NELL1: variants seen among roughly 807,000 people sequenced by gnomAD.
NELL1 encodes the protein neural EGFL like 1.
A neutral mutation model predicts 107.4 loss-of-function variants in NELL1; 76 were observed. The observed-to-expected ratio is 0.71, with a 90% confidence interval of 0.59 to 0.86. NELL1 has a LOEUF of 0.86. Among genes scored for constraint, NELL1 ranks in the 40% least tolerant of loss-of-function variants. NELL1 has a pLI of 0.00. For missense variants in NELL1, 1,024 were observed against 1,005.5 expected, an observed-to-expected ratio of 1.02 and a Z score of -0.25; for synonymous variants, 353 against 341.2, an observed-to-expected ratio of 1.03 and a Z score of -0.38.
At chr11:21,491,107 C>A (rs1255976874) in intron 15 of NELL1, among the ~76,000 whole-genome samples, 1 of 152,034 alleles carries the variant, frequency 6.6e-6, no homozygotes, top group Non-Finnish European at 1.5e-5. Context: ...AATAATATAA[C>A]AAATAGTCCC....
At chr11:21,248,493 T>C (rs1366258021) in intron 14 of NELL1, among the ~76,000 whole-genome samples, 1 of 152,168 alleles carries the variant, frequency 6.6e-6, no homozygotes, top group African/African-American at 2.4e-5. Context: ...CAGAGGTTTG[T>C]GGCCACTGTT....
At chr11:21,449,780 A>G (rs1170843493) in intron 15 of NELL1, among the ~76,000 whole-genome samples, 1 of 152,208 alleles carries the variant, frequency 6.6e-6, no homozygotes. Context: ...TGTGGCTACC[A>G]CTTGTTCTAC....
chr11:21,163,906 G>A (rs980332951), intron 13 of NELL1, among the ~76,000 whole-genome samples: 1 of 151,834 alleles, frequency 6.6e-6, no homozygotes, highest in South Asian at 2.1e-4. Flanking sequence ...ATTTTGAGGG[G>A]GGTGGGTAAA....
At chr11:21,569,729 T>A (rs1564966090) in intron 17 of NELL1, among the ~76,000 whole-genome samples, 2 of 151,856 alleles carry the variant, frequency 1.3e-5, no homozygotes, top group Non-Finnish European at 2.9e-5. Context: ...TCTGATTTTT[T>A]ACATTATAAC....
chr11:20,786,034 A>ATTTTT lies in NELL1; in HGVS notation c.335+2204_335+2205insTTTTT, dbSNP rs758634001. Reference sequence around the variant, plus strand: ...TTTCATTGTAATAGAAAAACTTCAGAATTTTTTTTTTTTTTTTTTGAGAAA... The same window carrying ATTTTT: ...TTTCATTGTAATAGAAAAACTTCAGATTTTTATTTTTTTTTTTTTTTTTTGAGAAA... On this transcript the variant is annotated intron_variant, in intron 3 of 19. Coordinates refer to ENST00000357134, the MANE Select transcript of NELL1 (RefSeq NM_006157.5). Among the ~76,000 whole-genome samples the ATTTTT allele has an allele frequency of 1.3e-4, 14 of 104,162 alleles. 1 individual carries two copies. The highest frequency in any genetic ancestry group is 1.8e-4 in the Non-Finnish European group (9 of 50,694). 68.3% of individuals were successfully genotyped at this position (104,162 alleles called of 152,430 possible).
chr11:21,476,349 A>T (rs1241857787), intron 15 of NELL1, among the ~76,000 whole-genome samples: 1 of 152,184 alleles, frequency 6.6e-6, no homozygotes, highest in South Asian at 2.1e-4. Flanking sequence ...AGAGGGTAGC[A>T]TACTCACTGA....
intron 12 of NELL1, among the ~76,000 whole-genome samples, chr11:21,075,710 G>A (rs2134386084): frequency 6.6e-6 from 1 of 152,304 alleles, no homozygotes; most frequent in East Asian, 1.9e-4. Context: ...TGGGATTACA[G>A]GCGTGAGCCA....
intron 5 of NELL1, among the ~76,000 whole-genome samples, chr11:20,908,067 G>A (rs1459481104): frequency 2.6e-5 from 4 of 152,178 alleles, no homozygotes; most frequent in African/African-American, 9.7e-5. Context: ...TCCTGGTGAG[G>A]CTGTGGAGAA....
chr11:21,262,143 ATAAT>A (rs1848545965), intron 14 of NELL1, among the ~76,000 whole-genome samples: 1 of 151,840 alleles, frequency 6.6e-6, no homozygotes, highest in African/African-American at 2.4e-5. Context: ...TGGTATTATC[ATAAT>A]TAATCCTCAA....
intron 4 of NELL1, among the ~76,000 whole-genome samples, chr11:20,870,131 G>A (rs1321738219): frequency 6.6e-6 from 1 of 152,146 alleles, no homozygotes; most frequent in East Asian, 1.9e-4. Flanking sequence ...ACATAAATAG[G>A]TAAGTAGGGC....
chr11:21,412,512 A>G (rs1381986582), intron 15 of NELL1, among the ~76,000 whole-genome samples: 1 of 152,106 alleles, frequency 6.6e-6, no homozygotes, highest in Non-Finnish European at 1.5e-5. Context: ...CAGTTAATAA[A>G]TGACAGAACC....
intron 12 of NELL1, among the ~76,000 whole-genome samples, chr11:21,048,492 C>T (rs149497622): frequency 6.6e-6 from 1 of 152,130 alleles, no homozygotes; most frequent in African/African-American, 2.4e-5. Context: ...TTTTACAATC[C>T]TCTCTTGGAT....
chr11:20,810,238 A>G (rs1002999892), intron 3 of NELL1, among the ~76,000 whole-genome samples: 4 of 151,700 alleles, frequency 2.6e-5, no homozygotes, highest in East Asian at 1.9e-4. Flanking sequence ...TTATTTTTCC[A>G]TAAGTTATTG....
intron 1 of NELL1, among the ~76,000 whole-genome samples, chr11:20,676,888 G>A (rs1854072324): frequency 6.6e-6 from 1 of 152,226 alleles, no homozygotes; most frequent in Non-Finnish European, 1.5e-5. Context: ...TATTGAGATG[G>A]TATGTGTAGA....
intron 14 of NELL1, among the ~76,000 whole-genome samples, chr11:21,345,711 T>A (rs192636025): frequency 6.6e-6 from 1 of 152,322 alleles, no homozygotes; most frequent in East Asian, 1.9e-4. Flanking sequence ...GTAAAATAAA[T>A]CATCTTCCTA....
intron 12 of NELL1, among the ~76,000 whole-genome samples, chr11:21,046,677 A>ATTAATTATTTAT (rs1554962273): frequency 2.8e-5 from 4 of 143,548 alleles, no homozygotes; most frequent in Non-Finnish European, 6.1e-5. Flanking sequence ...TATTTACTCA[A>ATTAATTATTTAT]TTATTTATTT....
chr11:20,737,642 T>A (rs1855793084), intron 2 of NELL1, among the ~76,000 whole-genome samples: 1 of 152,096 alleles, frequency 6.6e-6, no homozygotes. Context: ...AACATCATGC[T>A]TAAGTGTCAG....
At chr11:21,090,252 A>T (rs1272918470) in intron 12 of NELL1, among the ~76,000 whole-genome samples, 3 of 152,100 alleles carry the variant, frequency 2.0e-5, no homozygotes, top group Admixed American at 6.6e-5. Flanking sequence ...CAACGACCTC[A>T]TTTGTTGTTG....
chr11:21,456,136 AC>A (rs1315623855), intron 15 of NELL1, among the ~76,000 whole-genome samples: 1 of 151,768 alleles, frequency 6.6e-6, no homozygotes, highest in East Asian at 1.9e-4. Context: ...CAGGTGATCC[AC>A]CTGCCTCAGC....
Sources: allele counts gnomAD v4.1 joint callset (sites outside exome capture counted in the v4.1 genomes callset), GRCh38; gene constraint gnomAD v4.1.1; transcripts MANE v1.5; gene names NCBI Gene and HGNC (gene_info 2026-07-23, HGNC 2026-07-21).